The following CA5A variants were observed in gnomAD, a reference collection of about 807,000 sequenced individuals.
CA5A encodes carbonic anhydrase 5A, mitochondrial.
In CA5A, 28 loss-of-function variants were observed where a neutral mutation model predicts 37.1. The ratio of observed to expected loss-of-function variants is 0.75; its 90% CI spans 0.56 to 1.03. The LOEUF (loss-of-function observed/expected upper bound fraction) is 1.03. Among genes scored for constraint, CA5A ranks in the 50% least tolerant of loss-of-function variants. The pLI is 0.00. For synonymous variants in CA5A, 171 were observed against 158.4 expected, an observed-to-expected ratio of 1.08 and a Z score of -0.60; for missense variants, 444 against 399.9, an observed-to-expected ratio of 1.11 and a Z score of -0.94.
intron 3 of CA5A, among the ~76,000 whole-genome samples, chr16:87,903,872 G>T (rs964623638): frequency 6.6e-6 from 1 of 152,052 alleles, no homozygotes; most frequent in African/African-American, 2.4e-5. Context: ...GATTCTTCTC[G>T]TTCATTTCTT....
chr16:87,901,968 C>T lies in CA5A; in HGVS notation c.562G>A (p.Ala188Thr), dbSNP rs752863808. ...AGCCTCTGCAGCGTCTGATGATGGG[C>T]CCCGAGCTGCATGGCAGACAAAGGA... ...AVIGVFLKLGAHHQTLQRLVD... is the reference protein window; with the variant it reads ...AVIGVFLKLGTHHQTLQRLVD... The change falls in exon 5 of 7, where the codon GCC becomes ACC. Residue 188 changes from alanine to threonine, a missense_variant. Coordinates refer to ENST00000649794, the MANE Select transcript of CA5A (RefSeq NM_001739.2). The T allele has an allele frequency of 6.2e-7, 1 of 1,613,540 alleles. No individual in the cohort carries two copies. Among genetic ancestry groups the T allele is most frequent in the South Asian group, 1.1e-5 (1 of 91,082 alleles).
chr16:87,899,463 T>C (rs1053278860), intron 5 of CA5A, among the ~76,000 whole-genome samples: 3 of 150,872 alleles, frequency 2.0e-5, no homozygotes, highest in East Asian at 2.0e-4. Context: ...CCACCACGCC[T>C]GGCTAATTTT....
intron 2 of CA5A, among the ~76,000 whole-genome samples, chr16:87,917,081 G>A (rs1002157473): frequency 6.7e-6 from 1 of 149,288 alleles, no homozygotes; most frequent in African/African-American, 2.5e-5. Flanking sequence ...CTCCAGCCTG[G>A]GTGACAGAGC....
intron 5 of CA5A, among the ~76,000 whole-genome samples, chr16:87,892,535 A>G (rs2055733226): frequency 7.2e-6 from 1 of 139,350 alleles, no homozygotes; most frequent in Non-Finnish European, 1.6e-5. Flanking sequence ...TAATAATAAT[A>G]ATAATAATAA....
chr16:87,923,630 G>C (rs7186054), intron 2 of CA5A: 146,413 of 985,140 alleles, frequency 0.15, 11,345 homozygotes, highest in East Asian at 0.24. Context: ...CACCAGCTGA[G>C]GGCTGGGTGT....
intron 1 of CA5A, among the ~76,000 whole-genome samples, chr16:87,929,820 C>G (rs964436963): frequency 1.6e-5 from 2 of 123,796 alleles, no homozygotes; most frequent in Non-Finnish European, 3.1e-5. Flanking sequence ...TGCAGTGAGC[C>G]GAGATCGCGC....
intron 2 of CA5A, chr16:87,923,634 T>C: frequency 1.0e-6 from 1 of 985,368 alleles, no homozygotes; most frequent in Non-Finnish European, 1.2e-6. Context: ...AGCTGAGGGC[T>C]GGGTGTCAGC....
At chr16:87,916,885 G>C (rs188656773) in intron 2 of CA5A, among the ~76,000 whole-genome samples, 5 of 152,204 alleles carry the variant, frequency 3.3e-5, no homozygotes, top group Admixed American at 6.5e-5. Flanking sequence ...GGAGGATCAC[G>C]AGGTCAGGAG....
chr16:87,919,489 G>T (rs548921922), intron 2 of CA5A, among the ~76,000 whole-genome samples: 1 of 152,182 alleles, frequency 6.6e-6, no homozygotes, highest in Non-Finnish European at 1.5e-5. Context: ...AGCCTCGGGC[G>T]GCCACCTTCG....
intron 2 of CA5A, among the ~76,000 whole-genome samples, chr16:87,914,348 T>C (rs1243882347): frequency 6.6e-6 from 1 of 152,192 alleles, no homozygotes; most frequent in East Asian, 1.9e-4. Flanking sequence ...GTGCAGCTTT[T>C]CGTCAGGCAA....
At chr16:87,934,107 G>T (rs1362227729) in intron 1 of CA5A, among the ~76,000 whole-genome samples, 1 of 152,252 alleles carries the variant, frequency 6.6e-6, no homozygotes, top group Non-Finnish European at 1.5e-5. Context: ...GCCTGTGTTA[G>T]CAACAGCAGC....
intron 5 of CA5A, 143 bp downstream of exon 5, chr16:87,901,769 T>G (rs946210666): frequency 8.8e-6 from 5 of 566,096 alleles, no homozygotes; most frequent in Non-Finnish European, 1.7e-5. Flanking sequence ...GTATTTTTAG[T>G]GGAGACGGGG....
intron 1 of CA5A, among the ~76,000 whole-genome samples, chr16:87,928,165 A>T (rs12445071): frequency 0.18 from 28,000 of 151,842 alleles, 2,728 homozygotes; most frequent in Admixed American, 0.25. Flanking sequence ...CTTAAAAGGG[A>T]TTAAATGGAA....
intron 1 of CA5A, among the ~76,000 whole-genome samples, chr16:87,929,698 C>A: frequency 6.6e-6 from 1 of 151,408 alleles, no homozygotes; most frequent in Non-Finnish European, 1.5e-5. Flanking sequence ...CCGTGAAACC[C>A]GGTCTCTACT....
intron 2 of CA5A, among the ~76,000 whole-genome samples, chr16:87,907,084 G>T (rs1466327763): frequency 1.3e-5 from 2 of 152,114 alleles, no homozygotes; most frequent in South Asian, 2.1e-4. Context: ...CAGGTGTATT[G>T]GTGGGTGCCT....
intron 5 of CA5A, among the ~76,000 whole-genome samples, chr16:87,892,570 T>TA (rs979362593): frequency 6.8e-6 from 1 of 146,430 alleles, no homozygotes; most frequent in African/African-American, 2.5e-5. Context: ...TAATTAATAA[T>TA]AAAAATAAAA....
intron 1 of CA5A, among the ~76,000 whole-genome samples, chr16:87,929,855 C>CAG (rs2056374671): frequency 9.0e-6 from 1 of 111,552 alleles, no homozygotes; most frequent in African/African-American, 3.7e-5. Flanking sequence ...CTGGGCAATA[C>CAG]AGCGAGACTC....
chr16:87,910,646 C>T (rs181995222), intron 2 of CA5A, among the ~76,000 whole-genome samples: 161 of 152,170 alleles, frequency 1.1e-3, no homozygotes, highest in African/African-American at 3.2e-3. Context: ...GGGGTGCTCT[C>T]GGCTCACTTC....
At chr16:87,907,377 A>G (rs1200236778) in intron 2 of CA5A, among the ~76,000 whole-genome samples, 1 of 152,218 alleles carries the variant, frequency 6.6e-6, no homozygotes, top group East Asian at 1.9e-4. Flanking sequence ...CAGCCCCAGC[A>G]GCATCAAAGT....
Sources: gnomAD v4.1 joint callset for allele counts (sites outside exome capture counted in the v4.1 genomes callset) on GRCh38, gnomAD v4.1.1 for gene constraint, MANE v1.5 for transcripts, NCBI Gene and HGNC (gene_info 2026-07-23, HGNC 2026-07-21) for gene names.